Variants in DNAH17 observed in about 807,000 individuals in gnomAD.
DNAH17 encodes the protein axonemal beta dynein heavy chain 17.
Under a neutral mutation model 485.6 loss-of-function variants are expected in DNAH17, and 376 were observed. The ratio of observed to expected loss-of-function variants is 0.77; its 90% confidence interval spans 0.71 to 0.84. DNAH17 has a LOEUF of 0.84. DNAH17 is among the 40% of genes least tolerant of loss of function. The pLI, the probability that DNAH17 is intolerant of heterozygous loss-of-function variation, is 0.00. For synonymous variants in DNAH17, 3,031 were observed against 2,405.9 expected, an observed-to-expected ratio of 1.26 and a Z score of -7.60; for missense variants, 6,370 against 5,839.3, an observed-to-expected ratio of 1.09 and a Z score of -2.96.
intron 19 of DNAH17, among the ~76,000 whole-genome samples, chr17:78,533,405 A>G (rs2091291935): frequency 6.6e-6 from 1 of 152,134 alleles, no homozygotes; most frequent in African/African-American, 2.4e-5. Flanking sequence ...GGAGCAAGAG[A>G]AGCGGCTTTC....
chr17:78,576,633 G>C (rs544536694), intron 1 of DNAH17, among the ~76,000 whole-genome samples: 8 of 152,200 alleles, frequency 5.3e-5, no homozygotes, highest in Non-Finnish European at 1.2e-4. Flanking sequence ...CAGGAACTCA[G>C]GGGAGCCCGA....
rs1261222432 is a variant in DNAH17 at position 78,426,576 on chromosome 17, C to T, written c.12796G>A (p.Val4266Met). 12 of 1,611,306 alleles carry T rather than the reference C, an allele frequency of 7.4e-6. No homozygotes were observed. Among genetic ancestry groups the T allele is most frequent in the Admixed American group, 1.7e-5 (1 of 59,700 alleles). Residue 4266 changes from valine to methionine, a missense_variant, in exon 79 of 81, where the codon GTG (valine) becomes ATG (methionine). Coordinates refer to ENST00000389840, the MANE Select transcript of DNAH17 (RefSeq NM_173628.4). The part of the protein sequence containing the change: ...LKGELTITTD[V>M]EDLSTALFYD... ...AAGAGAGCCGTGGACAGATCTTCCA[C>T]GTCGGTCGTGATGGTCAGTTCTCCC...
Position 78,496,018 on chromosome 17 carries a change from C to T in DNAH17, c.5760G>A (p.Gln1920=), listed in dbSNP as rs777145501. Residue 1920 remains glutamine (Q), a synonymous_variant, in exon 38 of 81, where the codon CAG becomes CAA. Transcript: ENST00000389840. Reference sequence around the variant, plus strand: ...CTTTTTTCTTGGCCCGAATTGCATCCTGGACACATTTTACCTGCACGGTTG... The same window carrying T: ...CTTTTTTCTTGGCCCGAATTGCATCTTGGACACATTTTACCTGCACGGTTG... ...SVIAVQVKCV[Q]DAIRAKKKAF... is the part of the protein sequence containing the mutation. 1 of 1,613,782 alleles carries T rather than the reference C, an allele frequency of 6.2e-7. No homozygotes were observed. The highest frequency in any genetic ancestry group is 1.1e-5 in the South Asian group (1 of 91,060).
At position 78,441,174 on chromosome 17, in the gene DNAH17, T is replaced by C. The variant is rs1312250991; in HGVS notation, c.11554A>G (p.Ser3852Gly). 1.2e-6 allele frequency: 2 copies of C among 1,613,774 alleles called. No individual in the cohort carries two copies. Among genetic ancestry groups the C allele is most frequent in the African/African-American group, 2.7e-5 (2 of 74,946 alleles). Reference sequence around the variant, plus strand: ...ACACTCCGGCCTTCCACGAACTTGCTGCCCATCTTTTCCTCCACGAAGTTC... The same window carrying C: ...ACACTCCGGCCTTCCACGAACTTGCCGCCCATCTTTTCCTCCACGAAGTTC... ...IKNFVEEKMG[S>G]KFVEGRSVEF... is the part of the protein sequence containing the mutation. The change falls in exon 72 of 81, where the codon AGC (serine) becomes GGC (glycine). Residue 3852 changes from serine to glycine, a missense_variant. Physicochemically the swap from Ser to Gly is moderately conservative, Grantham distance 56. Transcript: ENST00000389840.
chr17:78,445,744 G>A, intron 69 of DNAH17, 64 bp from the exon 70 acceptor site: 2 of 1,543,714 alleles, frequency 1.3e-6, no homozygotes, highest in South Asian at 2.4e-5. Flanking sequence ...CCCTGAAGAT[G>A]CGCGCTGGAC....
At chr17:78,469,013 G>A (rs906007544) in intron 54 of DNAH17, 130 bp from the exon 55 acceptor site, 2 of 1,171,400 alleles carry the variant, frequency 1.7e-6, no homozygotes, top group Non-Finnish European at 2.3e-6. Flanking sequence ...GCCCAGGCTG[G>A]AGTGCAATGG....
intron 56 of DNAH17, among the ~76,000 whole-genome samples, chr17:78,464,106 A>G (rs1032566471): frequency 6.6e-6 from 1 of 152,218 alleles, no homozygotes; most frequent in African/African-American, 2.4e-5. Context: ...ATAACTGGAT[A>G]TGTGTTCAAA....
chr17:78,454,608 C>T lies in DNAH17; in HGVS notation c.10268G>A (p.Arg3423His), dbSNP rs749527351. The part of the protein sequence containing the change: ...TWNNQGLPSD[R>H]MSTENATILG... The stretch of plus-strand genomic sequence containing the variant: ...GATGGTGGCATTCTCGGTGGACATG[C>T]GGTCGCTGGGGAGGCCCTGGTTGTT... Residue 3423 changes from arginine to histidine, a missense_variant, in exon 64 of 81, where the codon CGC becomes CAC. Physicochemically the swap from Arg to His is conservative, Grantham distance 29. Transcript: ENST00000389840. 3.7e-6 allele frequency: 6 copies of T among 1,612,238 alleles called. No individual in the cohort carries two copies. The highest frequency in any genetic ancestry group is 5.1e-6 in the Non-Finnish European group (6 of 1,179,670).
At chr17:78,441,805 G>A (rs577500146) in intron 71 of DNAH17, among the ~76,000 whole-genome samples, 6 of 152,266 alleles carry the variant, frequency 3.9e-5, no homozygotes, top group African/African-American at 1.4e-4. Context: ...TAGTAAACTT[G>A]CCAGTGTGGT....
chr17:78,552,890 C>G lies in DNAH17; in HGVS notation c.2179-85G>C, dbSNP rs538916564. The G allele has an allele frequency of 1.8e-5, 16 of 886,682 alleles. No individual in the cohort carries two copies. The South Asian group carries it at 2.1e-4, about 12-fold the overall frequency. 54.9% of individuals were successfully genotyped at this position (886,682 alleles called of 1,614,324 possible). On this transcript the variant is annotated intron_variant, in intron 14 of 80. Transcript: ENST00000389840. ...GGTAAGGACCTTTTATTCCTCAACA[C>G]CAACTAATACGGTTTGGATCTGTGT...
Position 78,423,898 on chromosome 17 carries a change from G to A in DNAH17, c.*8C>T. The A allele has an allele frequency of 1.9e-6, 3 of 1,613,724 alleles. No homozygotes were observed. Among genetic ancestry groups the A allele is most frequent in the Non-Finnish European group, 2.5e-6 (3 of 1,179,718 alleles). On this transcript the variant is annotated 3_prime_UTR_variant, in exon 81 of 81. Transcript: ENST00000389840. ...CCCAGGGAGTGTGGGCTGTGAGGCAGGAGCGAGCTAAACCTGTAGGAGCAG... is the reference window on the plus strand; with the variant it reads ...CCCAGGGAGTGTGGGCTGTGAGGCAAGAGCGAGCTAAACCTGTAGGAGCAG...
intron 13 of DNAH17, 107 bp downstream of exon 13, chr17:78,560,633 C>A: frequency 4.9e-6 from 6 of 1,229,914 alleles, no homozygotes; most frequent in Non-Finnish European, 6.6e-6. Flanking sequence ...TTTAGGCGAA[C>A]TGTGATATAA....
In DNAH17 at chr17:78,454,588, T is replaced by C; in HGVS notation, c.10288A>G (p.Thr3430Ala). ...CACCGCTCGGTGTTGCCCAGGATGG[T>C]GGCATTCTCGGTGGACATGCGGTCG... ...PSDRMSTENA[T>A]ILGNTERWPL... Residue 3430 changes from threonine to alanine, a missense_variant, in exon 64 of 81, where the codon ACC becomes GCC. Transcript: ENST00000389840. 6.2e-7 allele frequency: 1 copy of C among 1,613,136 alleles called. No homozygotes were observed. Among genetic ancestry groups the C allele is most frequent in the Non-Finnish European group, 8.5e-7 (1 of 1,179,872 alleles).
chr17:78,512,531 G>A (rs1387539912), intron 26 of DNAH17, among the ~76,000 whole-genome samples: 1 of 152,082 alleles, frequency 6.6e-6, no homozygotes, highest in Non-Finnish European at 1.5e-5. Context: ...TTGAGCTGAA[G>A]GCACTTGAGA....
chr17:78,485,417 C>A, intron 47 of DNAH17, 133 bp downstream of exon 47: 1 of 868,524 alleles, frequency 1.2e-6, no homozygotes, highest in Non-Finnish European at 1.7e-6. Context: ...GAAAGGCCAG[C>A]GGGTGGGGCA....
rs765368554 is a variant in DNAH17, at chr17:78,507,568, C to T, written c.4474G>A (p.Val1492Ile). ...ADSVISIWFE[V>I]QRTWSHLESI... The stretch of plus-strand genomic sequence containing the variant: ...TCCAGGTGGCTCCAGGTTCGCTGGA[C>T]CTCAAACCAGATGGAGATGACGGAG... Residue 1492 changes from valine (V) to isoleucine (I), a missense_variant, in exon 28 of 81, where the codon GTC (valine) becomes ATC (isoleucine). Transcript: ENST00000389840. The T allele has an allele frequency of 1.2e-6, 2 of 1,614,140 alleles. No homozygotes were observed.
rs185182523 is a variant in DNAH17 at position 78,500,187 on chromosome 17, G to A, written c.5640+118C>T. ...GGGGCCCTGGCACCTCCTCTCCAGT[G>A]CCATTCACAGGTATCCAGAGATCTG... On this transcript the variant is annotated intron_variant, in intron 36 of 80. Transcript: ENST00000389840. 1,237 of 1,181,090 alleles carry A rather than the reference G, an allele frequency of 1.0e-3. 26 individuals carry two copies. In the Admixed American group the frequency reaches 0.032, roughly 31 times the overall value. 73.2% of individuals were successfully genotyped at this position (1,181,090 alleles called of 1,614,324 possible).
At chr17:78,485,152 GT>G in intron 47 of DNAH17, 119 bp from the exon 48 acceptor site, 1 of 1,325,158 alleles carries the variant, frequency 7.5e-7, no homozygotes, top group Non-Finnish European at 1.0e-6. Flanking sequence ...TGGGATCCAA[GT>G]TTACCAAAGG....
intron 14 of DNAH17, among the ~76,000 whole-genome samples, chr17:78,555,336 A>C (rs567237047): frequency 1.3e-5 from 2 of 152,210 alleles, no homozygotes; most frequent in East Asian, 3.9e-4. Flanking sequence ...CTCAGAACAC[A>C]CCTCTTTAGT....
Sources: gnomAD v4.1 joint callset for allele counts (sites outside exome capture counted in the v4.1 genomes callset) on GRCh38, gnomAD v4.1.1 for gene constraint, MANE v1.5 for transcripts, NCBI Gene and HGNC (gene_info 2026-07-23, HGNC 2026-07-21) for gene names.